Variants in GRHL2 observed in about 807,000 individuals in gnomAD.
GRHL2 encodes the protein grainyhead like transcription factor 2, also known as grainyhead-like protein 2 homolog.
A neutral mutation model predicts 83.8 loss-of-function variants in GRHL2; 21 were observed. The ratio of observed to expected loss-of-function variants is 0.25; its 90% CI spans 0.18 to 0.36. GRHL2 has a LOEUF of 0.36. GRHL2 is among the 10% of genes least tolerant of loss of function. GRHL2 has a pLI of 1.00. For synonymous variants in GRHL2, 280 were observed against 278.9 expected, an observed-to-expected ratio of 1.00 and a Z score of -0.04; for missense variants, 623 against 781.8, an observed-to-expected ratio of 0.80 and a Z score of 2.42.
downstream of GRHL2, among the ~76,000 whole-genome samples, chr8:101,673,737 AAATCAACAG>A (rs1273415137): frequency 6.6e-6 from 1 of 152,064 alleles, no homozygotes; most frequent in African/African-American, 2.4e-5. Flanking sequence ...TCTCCACCCC[AAATCAACAG>A]AATATACATT....
At chr8:101,622,115 T>C (rs1200982591) in intron 9 of GRHL2, among the ~76,000 whole-genome samples, 1 of 152,028 alleles carries the variant, frequency 6.6e-6, no homozygotes, top group Non-Finnish European at 1.5e-5. Flanking sequence ...AAAAAGAAAA[T>C]AATATTCTTT....
At chr8:101,584,608 T>G (rs1228365631) in intron 7 of GRHL2, among the ~76,000 whole-genome samples, 1 of 152,226 alleles carries the variant, frequency 6.6e-6, no homozygotes, top group Non-Finnish European at 1.5e-5. Context: ...AAAGAGTTTT[T>G]TTTATTTGAG....
intron 7 of GRHL2, among the ~76,000 whole-genome samples, chr8:101,597,527 G>GT (rs1347676696): frequency 6.6e-6 from 1 of 152,160 alleles, no homozygotes; most frequent in Non-Finnish European, 1.5e-5. Flanking sequence ...CATGTCCTTT[G>GT]TAGGGACATG....
chr8:101,595,616 G>A (rs1300117321), intron 7 of GRHL2, among the ~76,000 whole-genome samples: 2 of 152,166 alleles, frequency 1.3e-5, no homozygotes, highest in Admixed American at 6.5e-5. Context: ...CCTGCTGGAA[G>A]CACAGGTTTA....
intron 3 of GRHL2, among the ~76,000 whole-genome samples, chr8:101,557,399 T>G (rs1412013532): frequency 6.6e-6 from 1 of 151,878 alleles, no homozygotes; most frequent in Non-Finnish European, 1.5e-5. Context: ...TAATTTTGTG[T>G]TTTTAGTAGA....
chr8:101,535,807 T>C (rs753255718), intron 1 of GRHL2, among the ~76,000 whole-genome samples: 26 of 152,338 alleles, frequency 1.7e-4, no homozygotes, highest in Non-Finnish European at 3.7e-4. Context: ...CCCAAAGTGC[T>C]GGGATTACAG....
chr8:101,524,437 T>A (rs1413399478), intron 1 of GRHL2, among the ~76,000 whole-genome samples: 1 of 152,178 alleles, frequency 6.6e-6, no homozygotes, highest in East Asian at 1.9e-4. Context: ...CTCTTTAACT[T>A]TTTAGCCTTT....
At chr8:101,609,773 A>G (rs1451092382) in intron 8 of GRHL2, among the ~76,000 whole-genome samples, 1 of 151,062 alleles carries the variant, frequency 6.6e-6, no homozygotes, top group Non-Finnish European at 1.5e-5. Flanking sequence ...TATTTGCATA[A>G]CATGTTTCTA....
chr8:101,589,947 T>C (rs1432592468), intron 7 of GRHL2, among the ~76,000 whole-genome samples: 1 of 152,166 alleles, frequency 6.6e-6, no homozygotes, highest in Non-Finnish European at 1.5e-5. Context: ...GCCTGGCCCG[T>C]TACAAACTGA....
rs759808546 is a variant in GRHL2 at position 101,573,726 on chromosome 8, G to C, written c.793G>C (p.Gly265Arg). The change falls in exon 6 of 16, where the codon GGC becomes CGC. Residue 265 changes from glycine (G) to arginine (R), a missense_variant. Gly to Arg is a moderately radical substitution (Grantham distance 125). Coordinates refer to ENST00000646743, the MANE Select transcript of GRHL2 (RefSeq NM_024915.4). ...TKSLRQKQGE[G>R]PMTYLNKGQF... is the part of the protein sequence containing the mutation. ...ATCTCTCCGTCAGAAGCAGGGGGAG[G>C]GCCCCATGACCTACCTCAACAAAGG... 2 of 1,614,062 alleles carry C rather than the reference G, an allele frequency of 1.2e-6. No individual in the cohort carries two copies. The highest frequency in any genetic ancestry group is 1.3e-5 in the African/African-American group (1 of 75,008).
At chr8:101,671,307 C>T (rs1366599706), downstream of GRHL2, among the ~76,000 whole-genome samples, 4 of 152,288 alleles carry the variant, frequency 2.6e-5, no homozygotes, top group Middle Eastern at 3.4e-3. Context: ...TGGAAAATCC[C>T]ACCCTAATAC....
intron 1 of GRHL2, among the ~76,000 whole-genome samples, chr8:101,540,687 C>T (rs1318654653): frequency 6.6e-6 from 1 of 152,204 alleles, no homozygotes; most frequent in Admixed American, 6.5e-5. Flanking sequence ...ACACACTTTT[C>T]ATTGTGAGTT....
intron 4 of GRHL2, 38 bp downstream of exon 4, chr8:101,558,850 C>T: frequency 6.2e-7 from 1 of 1,608,610 alleles, no homozygotes; most frequent in African/African-American, 1.3e-5. Context: ...GAACCCAAAC[C>T]CAGAGCCCCT....
chr8:101,522,039 G>A (rs900482633), intron 1 of GRHL2, among the ~76,000 whole-genome samples: 4 of 152,134 alleles, frequency 2.6e-5, no homozygotes, highest in African/African-American at 9.7e-5. Flanking sequence ...GAAGCTGTTT[G>A]TAATTTTGGT....
chr8:101,552,682 G>T (rs1485363526), intron 2 of GRHL2, 33 bp from the exon 3 acceptor site: 18 of 1,608,542 alleles, frequency 1.1e-5, no homozygotes, highest in Non-Finnish European at 1.5e-5. Context: ...TTGCCTCTGT[G>T]TATGTCTGAC....
intron 1 of GRHL2, among the ~76,000 whole-genome samples, chr8:101,533,113 T>A (rs185357708): frequency 6.6e-6 from 1 of 152,224 alleles, no homozygotes; most frequent in East Asian, 1.9e-4. Context: ...TAGGTCACAT[T>A]TAAGGAGAAT....
intron 14 of GRHL2, among the ~76,000 whole-genome samples, chr8:101,661,843 A>G (rs927005565): frequency 5.9e-5 from 9 of 152,072 alleles, no homozygotes; most frequent in African/African-American, 2.2e-4. Context: ...TTTGGTTTCT[A>G]GTGTTGAGAT....
intron 1 of GRHL2, among the ~76,000 whole-genome samples, chr8:101,518,439 C>G (rs935463363): frequency 6.6e-6 from 1 of 152,060 alleles, no homozygotes; most frequent in African/African-American, 2.4e-5. Context: ...AATAAAATCC[C>G]TAGTATAGGG....
chr8:101,514,607 G>A (rs926988538), intron 1 of GRHL2, among the ~76,000 whole-genome samples: 4 of 152,136 alleles, frequency 2.6e-5, no homozygotes, highest in African/African-American at 9.7e-5. Flanking sequence ...CCCGTGGGAG[G>A]CCTGGCTGCA....
Sources: allele counts gnomAD v4.1 joint callset (sites outside exome capture counted in the v4.1 genomes callset), GRCh38; gene constraint gnomAD v4.1.1; transcripts MANE v1.5; gene names NCBI Gene and HGNC (gene_info 2026-07-23, HGNC 2026-07-21).